The following HDAC9 variants were observed in gnomAD, a reference collection of about 807,000 sequenced individuals.
HDAC9 encodes the protein histone deacetylase 9, also known as MEF-2 interacting transcription repressor (MITR) protein.
In HDAC9, 41 loss-of-function variants were observed where a neutral mutation model predicts 139.4. That is an observed-to-expected ratio of 0.29 (90% confidence interval 0.23 to 0.38). The LOEUF (loss-of-function observed/expected upper bound fraction) is 0.38. HDAC9 is among the 10% of genes least tolerant of loss of function. The pLI is 1.00. For synonymous variants in HDAC9, 517 were observed against 476.2 expected (o/e 1.09, Z -1.12); for missense variants, 1,147 against 1,297.0 (o/e 0.88, Z 1.78).
chr7:18,983,075 C>T (rs1358527079), intron 25 of HDAC9, among the ~76,000 whole-genome samples: 3 of 152,118 alleles, frequency 2.0e-5, no homozygotes, highest in Non-Finnish European at 4.4e-5. Context: ...AAATGGAAAC[C>T]TTGTAGCCAT....
chr7:18,167,455 C>T (rs1788085719), intron 2 of HDAC9, among the ~76,000 whole-genome samples: 2 of 152,040 alleles, frequency 1.3e-5, no homozygotes, highest in Admixed American at 1.3e-4. Context: ...GGTAATTCAA[C>T]TTATATAATT....
upstream of HDAC9, among the ~76,000 whole-genome samples, chr7:18,494,200 C>T (rs886500132): frequency 1.3e-5 from 2 of 152,028 alleles, no homozygotes; most frequent in Non-Finnish European, 2.9e-5. Context: ...TTGTAACTTA[C>T]ATATCCAAAT....
At chr7:18,373,093 T>G (rs1457426500) in intron 1 of HDAC9, among the ~76,000 whole-genome samples, 1 of 152,176 alleles carries the variant, frequency 6.6e-6, no homozygotes, top group Non-Finnish European at 1.5e-5. Context: ...TTACAAGTAC[T>G]TAGGTTAAAT....
chr7:18,917,112 A>G (rs897890420), intron 22 of HDAC9, among the ~76,000 whole-genome samples: 1 of 152,062 alleles, frequency 6.6e-6, no homozygotes, highest in Admixed American at 6.6e-5. Context: ...AGAAAATAGT[A>G]AACATGAGCT....
At chr7:18,092,523 C>T (rs550692835) in intron 1 of HDAC9, among the ~76,000 whole-genome samples, 171 of 151,862 alleles carry the variant, frequency 1.1e-3, no homozygotes, top group African/African-American at 3.7e-3. Flanking sequence ...CTGCTGCTGT[C>T]GCTGCTGGCA....
intron 22 of HDAC9, among the ~76,000 whole-genome samples, chr7:18,925,770 C>T (rs1283949029): frequency 6.6e-6 from 1 of 151,816 alleles, no homozygotes; most frequent in Admixed American, 6.6e-5. Flanking sequence ...ACTCCTCACC[C>T]TCACCCCCAT....
chr7:18,431,186 T>C (rs1414831812), intron 1 of HDAC9, among the ~76,000 whole-genome samples: 1 of 152,004 alleles, frequency 6.6e-6, no homozygotes. Flanking sequence ...GGATACAAAA[T>C]AGGAAAAAAT....
chr7:18,811,928 G>A (rs1794206560), intron 17 of HDAC9, among the ~76,000 whole-genome samples: 1 of 151,618 alleles, frequency 6.6e-6, no homozygotes, highest in South Asian at 2.1e-4. Flanking sequence ...ATTCACAGGG[G>A]ATTGGTTTTA....
chr7:18,324,123 C>T (rs1800253669), intron 1 of HDAC9, among the ~76,000 whole-genome samples: 1 of 152,020 alleles, frequency 6.6e-6, no homozygotes, highest in Non-Finnish European at 1.5e-5. Flanking sequence ...GCTGGGGGCA[C>T]ATAGACATTC....
At chr7:18,178,067 C>A (rs1169432377) in intron 2 of HDAC9, among the ~76,000 whole-genome samples, 1 of 129,914 alleles carries the variant, frequency 7.7e-6, no homozygotes, top group African/African-American at 2.8e-5. Context: ...CCCTCCCGTT[C>A]CCTCCTCCAC....
chr7:18,969,150 A>T (rs891164058), intron 24 of HDAC9, among the ~76,000 whole-genome samples: 1 of 152,054 alleles, frequency 6.6e-6, no homozygotes, highest in African/African-American at 2.4e-5. Context: ...CTTTACATAT[A>T]TAAGGTGAAA....
chr7:18,867,938 T>G (rs1450233352), intron 21 of HDAC9, among the ~76,000 whole-genome samples: 2 of 152,212 alleles, frequency 1.3e-5, no homozygotes, highest in African/African-American at 4.8e-5. Flanking sequence ...AGTTATGCAA[T>G]TTTAGTTTTT....
intron 2 of HDAC9, among the ~76,000 whole-genome samples, chr7:18,502,988 G>A (rs1465217301): frequency 6.6e-6 from 1 of 152,162 alleles, no homozygotes; most frequent in Admixed American, 6.5e-5. Flanking sequence ...TCGCCAGTAG[G>A]TTGTCACAAG....
chr7:18,386,274 T>A, intron 1 of HDAC9, among the ~76,000 whole-genome samples: 1 of 152,212 alleles, frequency 6.6e-6, no homozygotes, highest in East Asian at 1.9e-4. Flanking sequence ...GGCACCTGCA[T>A]CATATATGTG....
intron 12 of HDAC9, among the ~76,000 whole-genome samples, chr7:18,714,850 T>C (rs1356251460): frequency 6.6e-6 from 1 of 152,240 alleles, no homozygotes; most frequent in African/African-American, 2.4e-5. Flanking sequence ...TCCACCATTG[T>C]ATCTTCTAAT....
At chr7:18,664,821 G>A (rs1794336143) in intron 11 of HDAC9, among the ~76,000 whole-genome samples, 1 of 152,140 alleles carries the variant, frequency 6.6e-6, no homozygotes, top group Non-Finnish European at 1.5e-5. Flanking sequence ...CTTGAAAATA[G>A]GAATAAGTAT....
chr7:18,734,177 C>G (rs1333685139), intron 13 of HDAC9, among the ~76,000 whole-genome samples: 4 of 152,056 alleles, frequency 2.6e-5, no homozygotes, highest in Non-Finnish European at 5.9e-5. Flanking sequence ...GGGTATTTCT[C>G]ACAATATATC....
In HDAC9 at chr7:18,758,155, G is replaced by A. The variant is rs1003262778; in HGVS notation, c.2044-4002G>A. On this transcript the variant is annotated intron_variant, in intron 14 of 25. Transcript: ENST00000686413. ...GCTATGAGGTTTCATTCCTAGGCCT[G>A]TGTTGGTAAGGCATTTAAGACCCGT... Among the ~76,000 whole-genome samples, 6 of 152,170 alleles carry A rather than the reference G, an allele frequency of 3.9e-5. No homozygotes were observed. In the South Asian group the frequency reaches 8.3e-4, roughly 21 times the overall value.
chr7:18,682,678 G>A (rs1781971680), intron 12 of HDAC9, among the ~76,000 whole-genome samples: 1 of 151,896 alleles, frequency 6.6e-6, no homozygotes, highest in African/African-American at 2.4e-5. Context: ...AAGACTAAAG[G>A]TTGAAATCAA....
Sources: gnomAD v4.1 joint callset for allele counts (sites outside exome capture counted in the v4.1 genomes callset) on GRCh38, gnomAD v4.1.1 for gene constraint, MANE v1.5 for transcripts, NCBI Gene and HGNC (gene_info 2026-07-23, HGNC 2026-07-21) for gene names.